Variants in VPS13C observed in about 807,000 individuals in gnomAD.
VPS13C encodes the protein intermembrane lipid transfer protein VPS13C.
A neutral mutation model predicts 456.8 loss-of-function variants in VPS13C; 358 were observed. The observed-to-expected ratio is 0.78, with a 90% CI of 0.72 to 0.86. The LOEUF is 0.86. Ranked by LOEUF, VPS13C falls within the 40% of genes least tolerant of loss-of-function variation. The pLI is 0.00. For synonymous variants in VPS13C, 1,578 were observed against 1,486.7 expected, an observed-to-expected ratio of 1.06 and a Z score of -1.41; for missense variants, 4,818 against 4,385.4, an observed-to-expected ratio of 1.10 and a Z score of -2.79.
At chr15:61,891,737 G>C (rs2042657427) in intron 66 of VPS13C, among the ~76,000 whole-genome samples, 1 of 152,060 alleles carries the variant, frequency 6.6e-6, no homozygotes, top group Admixed American at 6.6e-5. Context: ...TAATAATTTT[G>C]CTTTGAATTG....
chr15:61,925,303 T>C (rs532136482), intron 53 of VPS13C, among the ~76,000 whole-genome samples, 153 bp downstream of exon 53: 34 of 152,266 alleles, frequency 2.2e-4, no homozygotes, highest in African/African-American at 7.9e-4. Flanking sequence ...AAGAAAAATA[T>C]ACTTTAATGT....
At chr15:61,923,852 C>CCTCTAAAT (rs2043742623) in intron 53 of VPS13C, among the ~76,000 whole-genome samples, 3 of 136,260 alleles carry the variant, frequency 2.2e-5, no homozygotes, top group Non-Finnish European at 4.7e-5. Context: ...TGTGACCACC[C>CCTCTAAAT]CTCTAAATCT....
At chr15:61,976,671 CTGT>C (rs2045712174) in intron 24 of VPS13C, among the ~76,000 whole-genome samples, 1 of 151,930 alleles carries the variant, frequency 6.6e-6, no homozygotes, top group Non-Finnish European at 1.5e-5. Context: ...TTCAATATAG[CTGT>C]TTTTTAAAAA....
intron 10 of VPS13C, 70 bp from the exon 11 acceptor site, chr15:62,013,189 T>C (rs1380962164): frequency 7.6e-6 from 9 of 1,185,710 alleles, no homozygotes; most frequent in Admixed American, 2.3e-5. Context: ...TAAAAGATTA[T>C]TCTCATGTTC....
intron 49 of VPS13C, 132 bp from the exon 50 acceptor site, chr15:61,931,391 A>G (rs1712190726): frequency 1.5e-5 from 13 of 846,872 alleles, no homozygotes; most frequent in East Asian, 1.1e-4. Flanking sequence ...GTGCTAAAAC[A>G]TCTGAATGGA....
chr15:61,866,399 A>G, intron 81 of VPS13C: 1 of 983,660 alleles, frequency 1.0e-6, no homozygotes, highest in Non-Finnish European at 1.2e-6. Flanking sequence ...AGATATCACA[A>G]GGAAAAAATT....
At chr15:61,995,508 T>C (rs2046353635) in intron 16 of VPS13C, among the ~76,000 whole-genome samples, 1 of 152,218 alleles carries the variant, frequency 6.6e-6, no homozygotes, top group African/African-American at 2.4e-5. Flanking sequence ...GTACAATGTG[T>C]ATGTTATATA....
intron 66 of VPS13C, among the ~76,000 whole-genome samples, chr15:61,895,123 G>T (rs762806488): frequency 6.6e-6 from 1 of 152,064 alleles, no homozygotes; most frequent in Non-Finnish European, 1.5e-5. Flanking sequence ...ATAAGTCAAT[G>T]AAGAAATTAA....
intron 1 of VPS13C, among the ~76,000 whole-genome samples, chr15:62,044,814 A>T (rs2048352661): frequency 6.6e-6 from 1 of 152,110 alleles, no homozygotes; most frequent in Non-Finnish European, 1.5e-5. Context: ...ACATGACTCA[A>T]ATCTTAAACA....
At chr15:61,951,704 T>C (rs113950626) in intron 39 of VPS13C, 120 bp downstream of exon 39, 19 of 1,099,366 alleles carry the variant, frequency 1.7e-5, no homozygotes, top group African/African-American at 1.4e-4. Flanking sequence ...TTTTGAAAAG[T>C]TGAGTTAATG....
At chr15:62,008,099 G>T (rs1430179822) in intron 14 of VPS13C, among the ~76,000 whole-genome samples, 1 of 152,162 alleles carries the variant, frequency 6.6e-6, no homozygotes, top group East Asian at 1.9e-4. Flanking sequence ...AGGCGTGGTG[G>T]TGGGTGCCTG....
At chr15:62,047,908 G>A (rs1596532908) in intron 1 of VPS13C, among the ~76,000 whole-genome samples, 1 of 152,164 alleles carries the variant, frequency 6.6e-6, no homozygotes, top group East Asian at 1.9e-4. Flanking sequence ...CGATAAAAAA[G>A]ATTTCATTTT....
At position 61,911,918 on chromosome 15, in the gene VPS13C, T is replaced by C. The variant is rs368359731; in HGVS notation, c.8637A>G (p.Ser2879=). ...TPFCTIANKS[S]LELEVGEIAS... is the part of the protein sequence containing the mutation. ...CAATCTCGCCAACTTCTAGTTCTAATGATGACTTGTTTGCAATGGTACAAA... is the reference window on the plus strand; with the variant it reads ...CAATCTCGCCAACTTCTAGTTCTAACGATGACTTGTTTGCAATGGTACAAA... The change falls in exon 63 of 85, where the codon TCA becomes TCG. Residue 2879 remains serine, a synonymous_variant. Transcript: ENST00000644861. 87 of 1,612,938 alleles carry C rather than the reference T, an allele frequency of 5.4e-5. 1 individual carries two copies. Among genetic ancestry groups the C allele is most frequent in the Non-Finnish European group, 5.9e-5 (70 of 1,179,492 alleles).
At chr15:61,940,882 A>G in intron 46 of VPS13C, 88 bp from the exon 47 acceptor site, 1 of 1,330,754 alleles carries the variant, frequency 7.5e-7, no homozygotes, top group Non-Finnish European at 1.0e-6. Context: ...TCCACACAGC[A>G]TTTCATAAAG....
intron 61 of VPS13C, among the ~76,000 whole-genome samples, chr15:61,914,155 A>C (rs761663775): frequency 6.6e-6 from 1 of 152,192 alleles, no homozygotes; most frequent in Non-Finnish European, 1.5e-5. Context: ...ACCATGTGTT[A>C]ATCAACACTC....
At chr15:61,888,702 G>T (rs1226417167) in intron 67 of VPS13C, among the ~76,000 whole-genome samples, 2 of 152,086 alleles carry the variant, frequency 1.3e-5, no homozygotes, top group African/African-American at 4.8e-5. Context: ...TTTAGAAGAG[G>T]AATGGAGGGA....
chr15:61,925,611 C>A, intron 52 of VPS13C, 63 bp from the exon 53 acceptor site: 1 of 1,151,724 alleles, frequency 8.7e-7, no homozygotes, highest in Non-Finnish European at 1.2e-6. Flanking sequence ...CACACACTTA[C>A]AAGAACCATG....
At chr15:61,877,386 C>T (rs555014243) in intron 74 of VPS13C, among the ~76,000 whole-genome samples, 1 of 121,364 alleles carries the variant, frequency 8.2e-6, no homozygotes, top group South Asian at 2.5e-4. Flanking sequence ...TTTTGTATGC[C>T]CTGTTTACAC....
intron 15 of VPS13C, among the ~76,000 whole-genome samples, chr15:62,006,138 T>A (rs895208495): frequency 6.6e-6 from 1 of 151,924 alleles, no homozygotes; most frequent in Non-Finnish European, 1.5e-5. Flanking sequence ...AGTTCTAGGG[T>A]ACATGCGCAC....
Sources: allele counts gnomAD v4.1 joint callset (sites outside exome capture counted in the v4.1 genomes callset), GRCh38; gene constraint gnomAD v4.1.1; transcripts MANE v1.5; gene names NCBI Gene and HGNC (gene_info 2026-07-23, HGNC 2026-07-21).